KHDRBS3: variants seen among roughly 807,000 people sequenced by gnomAD.
KHDRBS3 encodes the protein KH domain-containing, RNA-binding, signal transduction-associated protein 3.
In KHDRBS3, 23 loss-of-function variants were observed where a neutral mutation model predicts 45.6. The observed-to-expected ratio is 0.50, with a 90% CI of 0.36 to 0.72. The LOEUF (loss-of-function observed/expected upper bound fraction) is 0.72, where lower values mean the gene tolerates loss of function less well. Among genes scored for constraint, KHDRBS3 ranks in the 30% least tolerant of loss-of-function variants. The pLI, the probability that KHDRBS3 is intolerant of heterozygous loss-of-function variation, is 0.00. For synonymous variants in KHDRBS3, 162 were observed against 156.5 expected, an observed-to-expected ratio of 1.04 and a Z score of -0.26; for missense variants, 352 against 424.8, an observed-to-expected ratio of 0.83 and a Z score of 1.51.
chr8:135,523,224 C>T lies in KHDRBS3; in HGVS notation c.207+1869C>T, dbSNP rs1031674875. Among the ~76,000 whole-genome samples the T allele has an allele frequency of 8.5e-5, 13 of 152,130 alleles. No individual in the cohort carries two copies. The South Asian group carries it at 1.2e-3, about 15-fold the overall frequency. On this transcript the variant is annotated intron_variant, in intron 2 of 8. Transcript: ENST00000355849. ...CATCTGCTGGGATTAGAATTGCAATCGCATTGCATCTGTTGAGCAATTTGT... is the reference window on the plus strand; with the variant it reads ...CATCTGCTGGGATTAGAATTGCAATTGCATTGCATCTGTTGAGCAATTTGT...
intron 2 of KHDRBS3, among the ~76,000 whole-genome samples, chr8:135,530,070 A>AG (rs1288508648): frequency 6.7e-6 from 1 of 148,744 alleles, no homozygotes; most frequent in African/African-American, 2.6e-5. Flanking sequence ...AAAAAAAAAA[A>AG]AAGAAATTAA....
chr8:135,509,021 G>A lies in KHDRBS3; in HGVS notation c.89-12216G>A, dbSNP rs151255509. Among the ~76,000 whole-genome samples the A allele has an allele frequency of 1.7e-4, 26 of 152,272 alleles. No homozygotes were observed. In the East Asian group the frequency reaches 4.8e-3, roughly 28 times the overall value. ...ACCATTGGGACCAATAAATCTGTAG[G>A]TGAACCTCAATCTCAGTCATTTGTT... On this transcript the variant is annotated intron_variant, in intron 1 of 8. Transcript: ENST00000355849.
At chr8:135,471,976 G>A (rs974549742) in intron 1 of KHDRBS3, among the ~76,000 whole-genome samples, 5 of 152,186 alleles carry the variant, frequency 3.3e-5, no homozygotes, top group Non-Finnish European at 7.3e-5. Flanking sequence ...CTTCTCCAGT[G>A]CTCAGCGTGG....
chr8:135,510,504 A>G (rs908762699), intron 1 of KHDRBS3, among the ~76,000 whole-genome samples: 115 of 152,154 alleles, frequency 7.6e-4, no homozygotes, highest in African/African-American at 2.4e-3. Context: ...GCGTAATCTC[A>G]GCTCACTGCA....
At chr8:135,526,519 A>G (rs2130685034) in intron 2 of KHDRBS3, among the ~76,000 whole-genome samples, 1 of 152,296 alleles carries the variant, frequency 6.6e-6, no homozygotes, top group African/African-American at 2.4e-5. Flanking sequence ...GTTTCAAGCT[A>G]ATATAGCACT....
intron 2 of KHDRBS3, among the ~76,000 whole-genome samples, chr8:135,530,326 G>A (rs952448855): frequency 3.3e-5 from 5 of 152,144 alleles, no homozygotes; most frequent in African/African-American, 9.7e-5. Context: ...TACTGGTATT[G>A]GAGATAGGAA....
chr8:135,618,235 G>A (rs1829997296), intron 7 of KHDRBS3, among the ~76,000 whole-genome samples: 2 of 152,306 alleles, frequency 1.3e-5, no homozygotes, highest in South Asian at 2.1e-4. Flanking sequence ...CTGACAGTGC[G>A]AATATATTTA....
chr8:135,579,755 G>A (rs986440244), intron 5 of KHDRBS3, among the ~76,000 whole-genome samples: 10 of 152,164 alleles, frequency 6.6e-5, no homozygotes, highest in Admixed American at 2.6e-4. Flanking sequence ...CTTTGGCCTT[G>A]TTGATGTGGT....
intron 1 of KHDRBS3, among the ~76,000 whole-genome samples, chr8:135,496,005 G>A (rs1470525078): frequency 1.3e-5 from 2 of 151,674 alleles, no homozygotes; most frequent in East Asian, 1.9e-4. Flanking sequence ...ACAGAGATAT[G>A]TATTCCCTTC....
chr8:135,638,184 G>A (rs959037922), intron 7 of KHDRBS3, among the ~76,000 whole-genome samples: 2 of 152,206 alleles, frequency 1.3e-5, no homozygotes, highest in African/African-American at 4.8e-5. Flanking sequence ...TTGAAGAACT[G>A]TCTCTGAAAC....
chr8:135,618,074 A>G (rs554411605), intron 7 of KHDRBS3, among the ~76,000 whole-genome samples: 1 of 152,294 alleles, frequency 6.6e-6, no homozygotes, highest in Admixed American at 6.5e-5. Flanking sequence ...GTTGTGGATC[A>G]TATTTTTCCC....
rs201596390 is a variant in KHDRBS3 at position 135,484,501 on chromosome 8, C to T, written c.88+26547C>T. On this transcript the variant is annotated intron_variant, in intron 1 of 8. Transcript: ENST00000355849. ...AGACCTGACCATTGCCATGAACTGG[C>T]TCTGGCCAGTTTCCAGCGGTTGCTC... 3.3e-4 allele frequency among the ~76,000 whole-genome samples: 50 copies of T among 152,366 alleles called. 1 individual carries two copies. In the East Asian group the frequency reaches 7.3e-3, roughly 22 times the overall value.
At chr8:135,543,161 T>C (rs1826126122) in intron 3 of KHDRBS3, among the ~76,000 whole-genome samples, 1 of 152,170 alleles carries the variant, frequency 6.6e-6, no homozygotes, top group Non-Finnish European at 1.5e-5. Context: ...TTATAATGTA[T>C]ATGCTTTTAT....
At chr8:135,594,690 C>A (rs1828895477) in intron 6 of KHDRBS3, among the ~76,000 whole-genome samples, 1 of 152,136 alleles carries the variant, frequency 6.6e-6, no homozygotes, top group Non-Finnish European at 1.5e-5. Flanking sequence ...ATTGTAATAT[C>A]CAGTACTATT....
At chr8:135,621,345 C>G (rs1391298401) in intron 7 of KHDRBS3, among the ~76,000 whole-genome samples, 1 of 152,110 alleles carries the variant, frequency 6.6e-6, no homozygotes, top group Non-Finnish European at 1.5e-5. Flanking sequence ...AGTTAGTTGC[C>G]AAGGAAATAC....
chr8:135,605,254 G>A (rs1198660147), intron 6 of KHDRBS3, among the ~76,000 whole-genome samples: 1 of 151,936 alleles, frequency 6.6e-6, no homozygotes, highest in Non-Finnish European at 1.5e-5. Flanking sequence ...GGGTCTGTCA[G>A]TATTTATATG....
chr8:135,559,903 A>C (rs1011172285), intron 5 of KHDRBS3, among the ~76,000 whole-genome samples: 6 of 152,176 alleles, frequency 3.9e-5, no homozygotes, highest in Admixed American at 6.5e-5. Context: ...AGTGAACAGA[A>C]AATGCATATA....
chr8:135,487,874 A>G (rs889741547), intron 1 of KHDRBS3, among the ~76,000 whole-genome samples: 15 of 152,240 alleles, frequency 9.9e-5, no homozygotes, highest in African/African-American at 3.4e-4. Flanking sequence ...AAGCAAGCAG[A>G]GTAATCTTTG....
intron 5 of KHDRBS3, among the ~76,000 whole-genome samples, chr8:135,565,358 T>C (rs948887282): frequency 1.3e-5 from 2 of 152,246 alleles, no homozygotes; most frequent in Non-Finnish European, 2.9e-5. Context: ...TTACACATTA[T>C]AAATTTTTGA....
Sources: gnomAD v4.1 joint callset for allele counts (sites outside exome capture counted in the v4.1 genomes callset) on GRCh38, gnomAD v4.1.1 for gene constraint, MANE v1.5 for transcripts, NCBI Gene and HGNC (gene_info 2026-07-23, HGNC 2026-07-21) for gene names.